The following NAGK variants were observed in gnomAD, a reference collection of about 807,000 sequenced individuals.
NAGK encodes N-acetyl-D-glucosamine kinase.
NAGK carries 35 observed loss-of-function variants against 42.9 expected under a neutral mutation model. The ratio of observed to expected loss-of-function variants is 0.82; its 90% CI spans 0.62 to 1.08. The LOEUF (loss-of-function observed/expected upper bound fraction) is 1.08. Ranked by LOEUF, NAGK falls within the 50% of genes least tolerant of loss-of-function variation. The probability of loss-of-function intolerance (pLI) is 0.00; values close to 1 mark genes in which losing one functional copy is unlikely to be tolerated. For synonymous variants in NAGK, 172 were observed against 176.0 expected (o/e 0.98, Z 0.18); for missense variants, 446 against 446.0 (o/e 1.00, Z 0.00).
At chr2:71,075,335 G>A in intron 6 of NAGK, 1 of 514,228 alleles carries the variant, frequency 1.9e-6, no homozygotes, top group African/African-American at 1.9e-5. Flanking sequence ...TCTGTTCTCT[G>A]TGCTGCCTTC....
At chr2:71,077,511 G>A in intron 8 of NAGK, 47 bp from the exon 9 acceptor site, 2 of 1,555,402 alleles carry the variant, frequency 1.3e-6, no homozygotes, top group African/African-American at 1.4e-5. Context: ...CTTCAGCACT[G>A]GAGAGGCTAG....
At chr2:71,070,383 T>C (rs1419006672) in intron 1 of NAGK, 119 bp from the exon 2 acceptor site, 2 of 742,974 alleles carry the variant, frequency 2.7e-6, no homozygotes, top group Non-Finnish European at 4.4e-6. Flanking sequence ...GGAGTGGTGA[T>C]TGAGTTTGTC....
intron 1 of NAGK, chr2:71,070,159 G>A: frequency 3.5e-6 from 1 of 286,580 alleles, no homozygotes; most frequent in Non-Finnish European, 6.8e-6. Context: ...TCATACAGAG[G>A]AGACTTTAAT....
At chr2:71,073,337 A>AACCCCCCC in intron 5 of NAGK, 145 bp from the exon 6 acceptor site, 2 of 160,930 alleles carry the variant, frequency 1.2e-5, no homozygotes, top group African/African-American at 9.0e-5. Context: ...CCCCTCTCCC[A>AACCCCCCC]CCCCCTGCCA....
At position 71,073,559 on chromosome 2, in the gene NAGK, G is replaced by C; in HGVS notation, c.544G>C (p.Gly182Arg). The change falls in exon 6 of 10, where the codon GGC (glycine) becomes CGC (arginine). Residue 182 changes from glycine to arginine, a missense_variant. By Grantham distance (125) the Gly-to-Arg change is moderately radical. Transcript: ENST00000244204. ...DNLEAAPHDI[G>R]YVKQAMFHYF... ...CCTAGAGGCGGCTCCTCATGATATC[G>C]GCTACGTCAAACAGGCCATGTTCCA... is the stretch of plus-strand genomic sequence containing the variant. The C allele has an allele frequency of 1.2e-6, 2 of 1,613,928 alleles. No individual in the cohort carries two copies. The highest frequency in any genetic ancestry group is 1.7e-6 in the Non-Finnish European group (2 of 1,179,906).
At chr2:71,068,633 C>T (rs898065629), upstream of NAGK, 27 of 1,522,232 alleles carry the variant, frequency 1.8e-5, no homozygotes, top group South Asian at 8.5e-5. Flanking sequence ...AAGGAGGTGT[C>T]AGGCGGGGAG....
chr2:71,068,807 G>A (rs1671889644), intron 1 of NAGK, 95 bp downstream of exon 1: 1 of 1,412,312 alleles, frequency 7.1e-7, no homozygotes. Flanking sequence ...CTCGGCGTCC[G>A]GGCACTTTGG....
chr2:71,071,583 G>A (rs1672003298), intron 3 of NAGK, 103 bp from the exon 4 acceptor site: 1 of 1,455,200 alleles, frequency 6.9e-7, no homozygotes, highest in Non-Finnish European at 9.2e-7. Flanking sequence ...ACAGGGTATG[G>A]CCAGATGGGG....
intron 1 of NAGK, chr2:71,068,924 G>A: frequency 7.7e-7 from 1 of 1,292,626 alleles, no homozygotes; most frequent in South Asian, 2.4e-5. Flanking sequence ...CACACCCCGG[G>A]TTGGGGATCC....
At chr2:71,078,010 C>G (rs1331945414) in intron 9 of NAGK, among the ~76,000 whole-genome samples, 2 of 152,244 alleles carry the variant, frequency 1.3e-5, no homozygotes, top group Non-Finnish European at 2.9e-5. Context: ...TTAGCCCTGG[C>G]AGCCTTATGC....
chr2:71,072,820 C>A (rs1226517510), intron 5 of NAGK, 69 bp downstream of exon 5: 7 of 1,432,862 alleles, frequency 4.9e-6, no homozygotes, highest in African/African-American at 2.8e-5. Flanking sequence ...GTCTTTCTCT[C>A]CTTAGCCTTG....
chr2:71,078,193 G>A (rs1160500671), intron 9 of NAGK, 125 bp from the exon 10 acceptor site: 8 of 913,738 alleles, frequency 8.8e-6, no homozygotes, highest in Non-Finnish European at 1.3e-5. Context: ...CACTTGGCAT[G>A]TAGGCCCCTC....
At chr2:71,071,618 G>T in intron 3 of NAGK, 68 bp from the exon 4 acceptor site, 5 of 1,522,678 alleles carry the variant, frequency 3.3e-6, no homozygotes, top group Non-Finnish European at 4.4e-6. Flanking sequence ...GCATCAGGAG[G>T]GGGCGGGGGT....
intron 3 of NAGK, chr2:71,071,293 T>C (rs1671992671): frequency 3.6e-6 from 1 of 281,242 alleles, no homozygotes; most frequent in African/African-American, 2.1e-5. Context: ...TTCTCCCAAG[T>C]TGCGGTAGCT....
At chr2:71,070,371 T>C in intron 1 of NAGK, 131 bp from the exon 2 acceptor site, 1 of 659,562 alleles carries the variant, frequency 1.5e-6, no homozygotes, top group Non-Finnish European at 2.6e-6. Flanking sequence ...GAGGCGGGTT[T>C]GGGAGTGGTG....
At chr2:71,076,781 CAAACCCTG>C in intron 8 of NAGK, 80 bp downstream of exon 8, 1 of 1,158,054 alleles carries the variant, frequency 8.6e-7, no homozygotes, top group Non-Finnish European at 1.3e-6. Flanking sequence ...ACTATCCCAT[CAAACCCTG>C]CATAGATTGG....
At chr2:71,068,427 C>T (rs1671859589), upstream of NAGK, 1 of 1,312,458 alleles carries the variant, frequency 7.6e-7, no homozygotes, top group Non-Finnish European at 9.9e-7. Context: ...GAAGCAGGAT[C>T]CAGGAGGACG....
intron 5 of NAGK, 39 bp downstream of exon 5, chr2:71,072,790 T>A: frequency 6.5e-7 from 1 of 1,549,374 alleles, no homozygotes; most frequent in Non-Finnish European, 8.9e-7. Flanking sequence ...GTCCTGGATC[T>A]GCTCCTTCCT....
chr2:71,068,510 G>T (rs1014846277), upstream of NAGK: 1 of 1,436,966 alleles, frequency 7.0e-7, no homozygotes. Context: ...GAGGGACGCA[G>T]CCATCCCCGG....
Sources: allele counts gnomAD v4.1 joint callset (sites outside exome capture counted in the v4.1 genomes callset), GRCh38; gene constraint gnomAD v4.1.1; transcripts MANE v1.5; gene names NCBI Gene and HGNC (gene_info 2026-07-23, HGNC 2026-07-21).